The following TEC variants were observed in gnomAD, a reference collection of about 807,000 sequenced individuals.
The protein encoded by TEC is tec protein tyrosine kinase, also known as tyrosine-protein kinase Tec.
A neutral mutation model predicts 93.0 loss-of-function variants in TEC; 72 were observed. That is an observed-to-expected ratio of 0.77 (90% confidence interval 0.64 to 0.94). The LOEUF is 0.94. Among genes scored for constraint, TEC ranks in the 40% least tolerant of loss-of-function variants. The pLI is 0.00. For synonymous variants in TEC, 249 were observed against 247.7 expected (o/e 1.01, Z -0.05); for missense variants, 630 against 757.9 (o/e 0.83, Z 1.98).
intron 1 of TEC, among the ~76,000 whole-genome samples, chr4:48,264,870 C>A (rs1199111300): frequency 6.6e-6 from 1 of 152,106 alleles, no homozygotes; most frequent in East Asian, 1.9e-4. Flanking sequence ...AACTCCTGAC[C>A]TCAAGTGTTC....
chr4:48,165,958 CGTGTTCCCTCTGACCT>C (rs1720858272), intron 7 of TEC, among the ~76,000 whole-genome samples: 1 of 152,206 alleles, frequency 6.6e-6, no homozygotes. Flanking sequence ...TGCAAAAGTG[CGTGTTCCCTCTGACCT>C]GTGTTCCCAT....
intron 1 of TEC, among the ~76,000 whole-genome samples, chr4:48,231,393 A>C (rs557888250): frequency 7.9e-5 from 12 of 152,244 alleles, no homozygotes; most frequent in Non-Finnish European, 1.6e-4. Context: ...GTCAGAATGC[A>C]AATACCATTT....
intron 1 of TEC, 56 bp from the exon 2 acceptor site, chr4:48,228,715 G>T: frequency 6.9e-7 from 1 of 1,445,744 alleles, no homozygotes. Flanking sequence ...TATGGATGTT[G>T]CCATTTCCAA....
chr4:48,139,043 G>A, intron 15 of TEC, 21 bp from the exon 16 acceptor site: 1 of 1,569,138 alleles, frequency 6.4e-7, no homozygotes, highest in East Asian at 2.2e-5. Context: ...ACACACCATG[G>A]GTTTACACCT....
chr4:48,251,927 C>T (rs1424855883), intron 1 of TEC, among the ~76,000 whole-genome samples: 1 of 152,120 alleles, frequency 6.6e-6, no homozygotes, highest in African/African-American at 2.4e-5. Flanking sequence ...ATAAACAAAT[C>T]AGATCCTAAG....
chr4:48,186,274 G>A (rs1187851224), intron 2 of TEC, among the ~76,000 whole-genome samples: 3 of 152,084 alleles, frequency 2.0e-5, no homozygotes, highest in Admixed American at 6.5e-5. Context: ...CTGCCTGGCC[G>A]CCACCCCGTC....
chr4:48,178,471 C>T (rs1721423692), intron 2 of TEC, among the ~76,000 whole-genome samples: 1 of 152,172 alleles, frequency 6.6e-6, no homozygotes, highest in South Asian at 2.1e-4. Context: ...CTCACAATAT[C>T]CCTGTGAGGT....
At chr4:48,201,953 T>A (rs1183796736) in intron 2 of TEC, among the ~76,000 whole-genome samples, 1 of 76,438 alleles carries the variant, frequency 1.3e-5, no homozygotes, top group African/African-American at 5.2e-5. Flanking sequence ...CTGTGGCTTA[T>A]TTTTTTTTTT....
chr4:48,210,456 G>C (rs1722862393), intron 2 of TEC, among the ~76,000 whole-genome samples: 1 of 151,636 alleles, frequency 6.6e-6, no homozygotes, highest in African/African-American at 2.4e-5. Context: ...CTGCACTCCA[G>C]TCTGAGTGAC....
At chr4:48,253,707 T>C (rs1316035955) in intron 1 of TEC, among the ~76,000 whole-genome samples, 2 of 151,946 alleles carry the variant, frequency 1.3e-5, no homozygotes, top group Admixed American at 1.3e-4. Context: ...CCCGAGTAGC[T>C]GGGACCACAG....
intron 1 of TEC, among the ~76,000 whole-genome samples, chr4:48,248,311 G>A (rs1348509521): frequency 6.6e-6 from 1 of 152,100 alleles, no homozygotes; most frequent in Non-Finnish European, 1.5e-5. Flanking sequence ...CACGCTTCTG[G>A]CAATTATAAG....
intron 2 of TEC, among the ~76,000 whole-genome samples, chr4:48,202,717 C>G (rs1367386418): frequency 6.6e-6 from 1 of 152,088 alleles, no homozygotes; most frequent in Non-Finnish European, 1.5e-5. Context: ...GAGGTAGTAA[C>G]TATTTATTGT....
intron 1 of TEC, among the ~76,000 whole-genome samples, chr4:48,232,147 G>C (rs952721793): frequency 6.6e-6 from 1 of 152,010 alleles, no homozygotes. Flanking sequence ...AAACTAGCTG[G>C]GTGAGGTGGC....
intron 2 of TEC, among the ~76,000 whole-genome samples, chr4:48,204,507 T>A (rs1722638168): frequency 1.3e-5 from 2 of 152,212 alleles, no homozygotes; most frequent in African/African-American, 2.4e-5. Flanking sequence ...GCTTTGCATC[T>A]ATCTCTTCAC....
At chr4:48,240,021 A>G (rs190717785) in intron 1 of TEC, among the ~76,000 whole-genome samples, 4 of 151,386 alleles carry the variant, frequency 2.6e-5, no homozygotes, top group Admixed American at 2.6e-4. Flanking sequence ...TATGGTGATT[A>G]TATTTTTCAG....
intron 4 of TEC, among the ~76,000 whole-genome samples, chr4:48,170,808 T>C (rs1292169343): frequency 2.6e-5 from 4 of 152,142 alleles, no homozygotes; most frequent in African/African-American, 9.7e-5. Context: ...CCCAACACTT[T>C]GGGAGGCCGA....
chr4:48,201,354 C>T (rs1722501198), intron 2 of TEC, among the ~76,000 whole-genome samples: 1 of 152,122 alleles, frequency 6.6e-6, no homozygotes, highest in Non-Finnish European at 1.5e-5. Flanking sequence ...GGCTGGGAAA[C>T]AAAGACTGGG....
intron 2 of TEC, among the ~76,000 whole-genome samples, chr4:48,182,480 G>A (rs1721631062): frequency 6.6e-6 from 1 of 151,658 alleles, no homozygotes; most frequent in Non-Finnish European, 1.5e-5. Flanking sequence ...GACACTTAGT[G>A]GATACTAATT....
chr4:48,219,714 A>C (rs769340522), intron 2 of TEC, among the ~76,000 whole-genome samples: 1 of 152,034 alleles, frequency 6.6e-6, no homozygotes, highest in Non-Finnish European at 1.5e-5. Flanking sequence ...CACCTTGTCA[A>C]TCACTTAGAA....
Sources: allele counts gnomAD v4.1 joint callset (sites outside exome capture counted in the v4.1 genomes callset), GRCh38; gene constraint gnomAD v4.1.1; transcripts MANE v1.5; gene names NCBI Gene and HGNC (gene_info 2026-07-23, HGNC 2026-07-21).